CLASP2: variants seen among roughly 807,000 people sequenced by gnomAD.
The protein encoded by CLASP2 is cytoplasmic linker associated protein 2, also known as CLIP-associating protein 2.
CLASP2 carries 47 observed loss-of-function variants against 194.4 expected under a neutral mutation model. The ratio of observed to expected loss-of-function variants is 0.24; its 90% CI spans 0.19 to 0.31. The LOEUF (loss-of-function observed/expected upper bound fraction) is 0.31, where lower values mean the gene tolerates loss of function less well. CLASP2 is among the 10% of genes least tolerant of loss of function. CLASP2 has a pLI of 1.00. For synonymous variants in CLASP2, 619 were observed against 633.5 expected (o/e 0.98, Z 0.34); for missense variants, 1,445 against 1,823.6 (o/e 0.79, Z 3.78).
intron 6 of CLASP2, among the ~76,000 whole-genome samples, chr3:33,672,050 C>T (rs796831373): frequency 2.0e-5 from 3 of 152,212 alleles, no homozygotes; most frequent in Admixed American, 6.5e-5. Context: ...GTAACCTCTG[C>T]AGACTTAAAT....
chr3:33,638,044 A>C (rs540731273), intron 8 of CLASP2, among the ~76,000 whole-genome samples: 1 of 152,346 alleles, frequency 6.6e-6, no homozygotes, highest in East Asian at 1.9e-4. Context: ...AATAGCTGTC[A>C]TTCTTGATGC....
intron 31 of CLASP2, among the ~76,000 whole-genome samples, chr3:33,544,178 C>G (rs1285720290): frequency 6.6e-6 from 1 of 152,150 alleles, no homozygotes; most frequent in Non-Finnish European, 1.5e-5. Context: ...CACAAACACA[C>G]AAATATACAT....
At chr3:33,679,145 GT>G (rs1018985662) in intron 6 of CLASP2, among the ~76,000 whole-genome samples, 49 of 152,194 alleles carry the variant, frequency 3.2e-4, no homozygotes, top group African/African-American at 8.9e-4. Context: ...ATAAAAGATA[GT>G]TTCTTCAAAA....
At chr3:33,523,684 T>C (rs1226211512) in intron 34 of CLASP2, among the ~76,000 whole-genome samples, 1 of 152,238 alleles carries the variant, frequency 6.6e-6, no homozygotes, top group East Asian at 1.9e-4. Context: ...TAAAAACTAC[T>C]ATTATTGTAA....
intron 18 of CLASP2, among the ~76,000 whole-genome samples, chr3:33,599,436 C>T (rs999972368): frequency 1.3e-5 from 2 of 152,132 alleles, no homozygotes; most frequent in Admixed American, 6.5e-5. Flanking sequence ...CTGCCAAGTT[C>T]TATACTACTA....
At chr3:33,678,386 A>G (rs1282882839) in intron 6 of CLASP2, among the ~76,000 whole-genome samples, 1 of 152,158 alleles carries the variant, frequency 6.6e-6, no homozygotes, top group Non-Finnish European at 1.5e-5. Context: ...GGGGGAAAAA[A>G]ACACTGCCTA....
intron 6 of CLASP2, among the ~76,000 whole-genome samples, chr3:33,679,829 C>A (rs1391171645): frequency 2.0e-5 from 3 of 152,200 alleles, no homozygotes; most frequent in Non-Finnish European, 4.4e-5. Flanking sequence ...CTGGCAACTT[C>A]TTACAAAATT....
chr3:33,543,982 C>T (rs1320011301), intron 31 of CLASP2, among the ~76,000 whole-genome samples: 1 of 152,160 alleles, frequency 6.6e-6, no homozygotes, highest in African/African-American at 2.4e-5. Flanking sequence ...AAAAAGATGA[C>T]TGACTCTGGT....
At chr3:33,571,331 ACAAAACAGCTGCAATGGT>A (rs2063729407) in intron 25 of CLASP2, among the ~76,000 whole-genome samples, 1 of 151,664 alleles carries the variant, frequency 6.6e-6, no homozygotes, top group Admixed American at 6.6e-5. Context: ...TAAATTTTTA[ACAAAACAGCTGCAATGGT>A]CGGGCACGGT....
intron 32 of CLASP2, among the ~76,000 whole-genome samples, chr3:33,542,258 C>T (rs1346762102): frequency 5.3e-5 from 8 of 151,200 alleles, no homozygotes; most frequent in African/African-American, 1.9e-4. Context: ...ACCAATCTCT[C>T]AGTCAGTCAT....
At position 33,550,278 on chromosome 3, in the gene CLASP2, C is replaced by A. The variant is rs567733750; in HGVS notation, c.3153+974G>T. Among the ~76,000 whole-genome samples, 93 of 151,000 alleles carry A rather than the reference C, an allele frequency of 6.2e-4. 1 individual carries two copies. In the South Asian group the frequency reaches 0.016, roughly 27 times the overall value. The stretch of plus-strand genomic sequence containing the variant: ...GGGTGTGGTGGTGGGTGCCTGTAAT[C>A]CCAGCTACTCAGGAGGCTAAGGCAT... On this transcript the variant is annotated intron_variant, in intron 30 of 38. Coordinates refer to ENST00000682230, the MANE Select transcript of CLASP2 (RefSeq NM_001365631.1).
chr3:33,694,328 C>G (rs528992717), intron 2 of CLASP2, among the ~76,000 whole-genome samples: 1 of 152,174 alleles, frequency 6.6e-6, no homozygotes, highest in African/African-American at 2.4e-5. Flanking sequence ...TTCCAATATT[C>G]CCATTGCCTC....
chr3:33,715,048 T>G (rs1211174896), intron 1 of CLASP2, among the ~76,000 whole-genome samples: 1 of 152,202 alleles, frequency 6.6e-6, no homozygotes, highest in Non-Finnish European at 1.5e-5. Context: ...TCATTTAAAC[T>G]CTAGCCAGGC....
intron 5 of CLASP2, 61 bp downstream of exon 5, chr3:33,686,999 G>A: frequency 2.3e-6 from 2 of 880,620 alleles, no homozygotes; most frequent in Non-Finnish European, 3.5e-6. Context: ...AGAATAAGAG[G>A]ACTAGAAAAG....
chr3:33,632,065 C>T (rs536712390), intron 9 of CLASP2, among the ~76,000 whole-genome samples: 6 of 152,232 alleles, frequency 3.9e-5, no homozygotes, highest in African/African-American at 1.4e-4. Flanking sequence ...CTGAACACTG[C>T]AGTGTAATGT....
chr3:33,641,283 T>C (rs1405029045), intron 8 of CLASP2, among the ~76,000 whole-genome samples: 1 of 151,996 alleles, frequency 6.6e-6, no homozygotes, highest in Admixed American at 6.6e-5. Flanking sequence ...GCAATTCTAG[T>C]AACCATTGAG....
chr3:33,616,573 T>C (rs2076201119), intron 12 of CLASP2, among the ~76,000 whole-genome samples: 1 of 152,018 alleles, frequency 6.6e-6, no homozygotes, highest in Non-Finnish European at 1.5e-5. Context: ...CAACATCTAT[T>C]CCTGATCAAA....
chr3:33,674,763 C>A (rs1361994971), intron 6 of CLASP2, among the ~76,000 whole-genome samples: 2 of 151,968 alleles, frequency 1.3e-5, no homozygotes, highest in Non-Finnish European at 2.9e-5. Context: ...ATATCACCAC[C>A]GATCCCACAG....
In CLASP2 at chr3:33,552,132, T is replaced by A. The variant is rs533221402; in HGVS notation, c.3010-737A>T. Among the ~76,000 whole-genome samples, 1,070 of 151,090 alleles carry A rather than the reference T, an allele frequency of 7.1e-3. 12 individuals are homozygous for A. Among genetic ancestry groups the A allele is most frequent in the African/African-American group, 0.024 (979 of 41,286 alleles). On this transcript the variant is annotated intron_variant, in intron 29 of 38. Transcript: ENST00000682230. ...GGGTTTATAATTTTTTTTTTTTTTT[T>A]TTTTGAGACAGAATCTCACCCTGTC...
Sources: gnomAD v4.1 joint callset for allele counts (sites outside exome capture counted in the v4.1 genomes callset) on GRCh38, gnomAD v4.1.1 for gene constraint, MANE v1.5 for transcripts, NCBI Gene and HGNC (gene_info 2026-07-23, HGNC 2026-07-21) for gene names.